The following MCM3AP variants were observed in gnomAD, a reference collection of about 807,000 sequenced individuals.
MCM3AP encodes the protein germinal-center associated nuclear protein.
Under a neutral mutation model 184.1 loss-of-function variants are expected in MCM3AP, and 126 were observed. The ratio of observed to expected loss-of-function variants is 0.68; its 90% CI spans 0.59 to 0.79. The LOEUF (loss-of-function observed/expected upper bound fraction) is 0.79, where lower values mean the gene tolerates loss of function less well. Ranked by LOEUF, MCM3AP falls within the 30% of genes least tolerant of loss-of-function variation. The pLI is 0.00. For missense variants in MCM3AP, 2,496 were observed against 2,479.2 expected (o/e 1.01, Z -0.14); for synonymous variants, 1,002 against 979.3 (o/e 1.02, Z -0.43).
intron 3 of MCM3AP, 135 bp from the exon 4 acceptor site, chr21:46,280,272 T>C (rs1167827005): frequency 4.7e-6 from 5 of 1,055,208 alleles, no homozygotes; most frequent in East Asian, 4.8e-5. Context: ...AGGAAATAAC[T>C]GTGAGATGCA....
In MCM3AP at chr21:46,266,005, T is replaced by C. The variant is rs2081107115; in HGVS notation, c.2951A>G (p.Asn984Ser). The C allele has an allele frequency of 6.2e-7, 1 of 1,608,508 alleles. No individual in the cohort carries two copies. The highest frequency in any genetic ancestry group is 8.5e-7 in the Non-Finnish European group (1 of 1,177,112). Residue 984 changes from asparagine to serine, a missense_variant, in exon 11 of 28, where the codon AAC becomes AGC. Physicochemically the swap from Asn to Ser is conservative, Grantham distance 46 (BLOSUM62 1). Coordinates refer to ENST00000291688, the MANE Select transcript of MCM3AP (RefSeq NM_003906.5). ...CTCCCCGATGTACTTGTTCTGGGAG[T>C]TGAAGCTGCACACAGGGGTATGACG... ...VPRHTPVCSF[N>S]SQNKYIGESL...
chr21:46,277,758 A>AG, intron 4 of MCM3AP, 41 bp from the exon 5 acceptor site: 1 of 1,277,242 alleles, frequency 7.8e-7, no homozygotes, highest in Non-Finnish European at 1.1e-6. Context: ...CGTCCCAGGA[A>AG]GGCCTTCAGA....
intron 27 of MCM3AP, among the ~76,000 whole-genome samples, chr21:46,235,768 G>T (rs1357059709): frequency 1.3e-5 from 2 of 152,140 alleles, no homozygotes; most frequent in Non-Finnish European, 2.9e-5. Flanking sequence ...CTCCTGAGTA[G>T]CTGGGACAAC....
At chr21:46,248,988 T>C (rs1364099585) in intron 20 of MCM3AP, among the ~76,000 whole-genome samples, 1 of 151,466 alleles carries the variant, frequency 6.6e-6, no homozygotes, top group Non-Finnish European at 1.5e-5. Context: ...AGAAGTGAAA[T>C]AGGAGTCTCT....
chr21:46,277,418 G>T (rs2081269705), intron 5 of MCM3AP, 109 bp downstream of exon 5: 7 of 780,086 alleles, frequency 9.0e-6, no homozygotes, highest in Non-Finnish European at 1.4e-5. Flanking sequence ...CACAGGCTCT[G>T]AGACTCAACA....
rs775242124 is a variant in MCM3AP at position 46,284,691 on chromosome 21, C to T, written c.596G>A (p.Ser199Asn). 7 of 1,614,002 alleles carry T rather than the reference C, an allele frequency of 4.3e-6. No homozygotes were observed. Among genetic ancestry groups the T allele is most frequent in the Admixed American group, 1.7e-5 (1 of 60,000 alleles). ...LAPFSFPQVT[S>N]SSATTSNFTF... ...AAAATTTGAAGTGGTAGCTGAACTA[C>T]TTGTTACTTGAGGAAAAGAGAAAGG... The change falls in exon 1 of 28, where the codon AGT becomes AAT. Residue 199 changes from serine (S) to asparagine (N), a missense_variant. This residue lies in a region of MCM3AP where 800 missense variants were observed against 717.1 expected (regional missense o/e 1.12). Transcript: ENST00000291688.
rs970343361 is a variant in MCM3AP, at chr21:46,273,305, T to C, written c.2196+83A>G. The C allele has an allele frequency of 2.4e-5, 31 of 1,305,504 alleles. No homozygotes were observed. In the Admixed American group the frequency reaches 5.3e-4, roughly 22 times the overall value. 80.9% of individuals were successfully genotyped at this position (1,305,504 alleles called of 1,614,324 possible). A position where few individuals can be genotyped will look rare whatever the true frequency, so the allele number is the denominator to read the frequency against. The stretch of plus-strand genomic sequence containing the variant: ...AAGTACATTTTTGTTACAGATAAAA[T>C]ATATAACAGAGTAATAAAAATATCA... On this transcript the variant is annotated intron_variant, in intron 7 of 27. Transcript: ENST00000291688.
rs774718810 is a variant in MCM3AP at position 46,261,366 on chromosome 21, C to G, written c.3381G>C (p.Thr1127=). ...CAGCTGCAATGTGCCTCAAAATGCC[C>G]GTGGTTGCAGCTGTTAACAAATCCT... ...AMEDLLTAAT[T]GILRHIAAEE... The change falls in exon 14 of 28, where the codon ACG becomes ACC. Residue 1127 remains threonine (T), a synonymous_variant. Transcript: ENST00000291688. The G allele has an allele frequency of 6.2e-7, 1 of 1,614,028 alleles. No homozygotes were observed. The highest frequency in any genetic ancestry group is 8.5e-7 in the Non-Finnish European group (1 of 1,179,950).
At chr21:46,279,845 C>T in intron 4 of MCM3AP, 148 bp downstream of exon 4, 3 of 696,208 alleles carry the variant, frequency 4.3e-6, no homozygotes, top group Non-Finnish European at 6.7e-6. Context: ...GGGGCAGAGC[C>T]CCTGCCCCTC....
Position 46,280,576 on chromosome 21 carries a change from CTGGAAAA to C in MCM3AP, c.1444-8_1444-2del. 6.2e-7 allele frequency: 1 copy of C among 1,608,656 alleles called. No individual in the cohort carries two copies. On this transcript the variant is annotated splice_acceptor_variant and splice_polypyrimidine_tract_variant and intron_variant, in intron 2 of 27. Transcript: ENST00000291688. LOFTEE classifies it high-confidence loss of function. ...TCTTTCTAGCCAGGGCTGCAGATGCCTGGAAAACAGTCCACAACCGCCATGTGTGAGT... is the reference window on the plus strand; with the variant it reads ...TCTTTCTAGCCAGGGCTGCAGATGCCCAGTCCACAACCGCCATGTGTGAGT...
chr21:46,276,744 T>TC (rs1334474554), intron 5 of MCM3AP, among the ~76,000 whole-genome samples: 1 of 148,574 alleles, frequency 6.7e-6, no homozygotes, highest in East Asian at 2.0e-4. Context: ...CCCAGCATTT[T>TC]TTTTTTTTTT....
intron 25 of MCM3AP, 89 bp from the exon 26 acceptor site, chr21:46,241,106 C>T: frequency 2.1e-6 from 2 of 953,264 alleles, no homozygotes; most frequent in Non-Finnish European, 3.3e-6. Context: ...TGCACATGTG[C>T]ATTAACATGT....
rs773228537 is a variant in MCM3AP at position 46,283,833 on chromosome 21, G to C, written c.1225C>G (p.Leu409Val). Reference sequence around the variant, plus strand: ...CTCTGACGCGCCGGAGTTCCTCTTAGAGAATCTAGGGGTTCAGAGAATGGA... The same window carrying C: ...CTCTGACGCGCCGGAGTTCCTCTTACAGAATCTAGGGGTTCAGAGAATGGA... ...TESREKKEDSLRGTPARQSNR... is the reference protein window; with the variant it reads ...TESREKKEDSVRGTPARQSNR... Residue 409 changes from leucine (L) to valine (V), a missense_variant, in exon 2 of 28, where the codon CTA becomes GTA. By Grantham distance (32) the Leu-to-Val change is conservative (BLOSUM62 1). This residue lies in a region of MCM3AP where 800 missense variants were observed against 717.1 expected (regional missense o/e 1.12). Coordinates refer to ENST00000291688, the MANE Select transcript of MCM3AP (RefSeq NM_003906.5). 5.6e-6 allele frequency: 9 copies of C among 1,611,856 alleles called. No individual in the cohort carries two copies. Among genetic ancestry groups the C allele is most frequent in the Admixed American group, 1.7e-5 (1 of 59,982 alleles).
chr21:46,255,125 C>T (rs1012044016), intron 17 of MCM3AP, among the ~76,000 whole-genome samples: 69 of 152,214 alleles, frequency 4.5e-4, no homozygotes, highest in African/African-American at 1.6e-3. Context: ...TGTGAGGTGT[C>T]GGCACTGTGG....
intron 18 of MCM3AP, 112 bp from the exon 19 acceptor site, chr21:46,254,638 T>A (rs1365739843): frequency 1.4e-6 from 2 of 1,460,972 alleles, no homozygotes; most frequent in Non-Finnish European, 1.9e-6. Context: ...GGTTCAGAGA[T>A]TGAACTGCAA....
intron 13 of MCM3AP, among the ~76,000 whole-genome samples, chr21:46,263,514 T>C (rs569674794): frequency 3.9e-5 from 6 of 152,094 alleles, no homozygotes; most frequent in Admixed American, 2.0e-4. Context: ...CCAGGTGCAG[T>C]GGCTCATGCC....
chr21:46,273,400 A>G lies in MCM3AP; in HGVS notation c.2184T>C (p.Arg728=), dbSNP rs2081210357. 3 of 1,613,782 alleles carry G rather than the reference A, an allele frequency of 1.9e-6. No individual in the cohort carries two copies. The highest frequency in any genetic ancestry group is 2.2e-5 in the South Asian group (2 of 91,080). Residue 728 remains arginine, a synonymous_variant, in exon 7 of 28, where the codon CGT becomes CGC. Coordinates refer to ENST00000291688, the MANE Select transcript of MCM3AP (RefSeq NM_003906.5). ...AGGCAGCCAATACCTTCCGTATGCCACGCGTGCGGTTCCACACGAAGTCAT... is the reference window on the plus strand; with the variant it reads ...AGGCAGCCAATACCTTCCGTATGCCGCGCGTGCGGTTCCACACGAAGTCAT... ...DWYDFVWNRT[R]GIRKDITQQH... is the part of the protein sequence containing the mutation.
Position 46,284,748 on chromosome 21 carries a change from T to C in MCM3AP, c.539A>G (p.His180Arg). 1 of 1,613,810 alleles carries C rather than the reference T, an allele frequency of 6.2e-7. No homozygotes were observed. The highest frequency in any genetic ancestry group is 8.5e-7 in the Non-Finnish European group (1 of 1,179,952). Residue 180 changes from histidine (H) to arginine (R), a missense_variant, in exon 1 of 28, where the codon CAC becomes CGC. Physicochemically the swap from His to Arg is conservative, Grantham distance 29 (BLOSUM62 0). Transcript: ENST00000291688. ...GCCTCCAGGTGCACTACTAATTGGG[T>C]GGGAAAATGTAAAAAACCCAGAAGC... The part of the protein sequence containing the change: ...QIASGFFTFS[H>R]PISSAPGGLA...
intron 24 of MCM3AP, 42 bp from the exon 25 acceptor site, chr21:46,242,973 C>A: frequency 1.4e-6 from 2 of 1,477,776 alleles, no homozygotes; most frequent in East Asian, 2.4e-5. Flanking sequence ...GCCAGCCTGG[C>A]CAACCCTGTC....
Sources: gnomAD v4.1 joint callset for allele counts (sites outside exome capture counted in the v4.1 genomes callset) on GRCh38, gnomAD v4.1.1 for gene constraint, gnomAD v4.1.1 regional missense constraint, MANE v1.5 for transcripts, NCBI Gene and HGNC (gene_info 2026-07-23, HGNC 2026-07-21) for gene names.